The following CHLSN variants were observed in gnomAD, a reference collection of about 807,000 sequenced individuals.
CHLSN encodes cholesin.
the CHLSN span, among the ~76,000 whole-genome samples, chr7:1,136,105 AATATAT>A: frequency 1.3e-5 from 1 of 77,780 alleles, no homozygotes; most frequent in African/African-American, 5.4e-5. Context: ...TGTGTATATA[AATATAT>A]ATACATAAAT....
chr7:1,069,774 G>A, the CHLSN span, among the ~76,000 whole-genome samples: 10 of 58,992 alleles, frequency 1.7e-4, no homozygotes, highest in Non-Finnish European at 3.1e-4. Flanking sequence ...CCGCCACCCC[G>A]TCTGGGAAGT....
At chr7:1,037,226 C>T in the CHLSN span, among the ~76,000 whole-genome samples, 3 of 142,194 alleles carry the variant, frequency 2.1e-5, 1 homozygote, top group Non-Finnish European at 4.7e-5. Flanking sequence ...AGAAATGCCT[C>T]CTCCCTAAAG....
At chr7:1,076,057 C>G in the CHLSN span, 1 of 152,292 alleles carries the variant, frequency 6.6e-6, no homozygotes, top group Non-Finnish European at 1.5e-5. Context: ...GACCAGAGGG[C>G]GAGGTGATTC....
At chr7:1,031,327 C>G in the CHLSN span, among the ~76,000 whole-genome samples, 1 of 151,886 alleles carries the variant, frequency 6.6e-6, no homozygotes, top group East Asian at 1.9e-4. Context: ...AGGAAATCAG[C>G]GAAACAGCAC....
At chr7:1,071,371 C>A in the CHLSN span, among the ~76,000 whole-genome samples, 1 of 152,188 alleles carries the variant, frequency 6.6e-6, no homozygotes, top group African/African-American at 2.4e-5. Context: ...GCCCCGGGCT[C>A]TGTGGCACTA....
the CHLSN span, among the ~76,000 whole-genome samples, chr7:981,909 T>G: frequency 4.8e-3 from 727 of 152,088 alleles, 2 homozygotes; most frequent in Non-Finnish European, 8.4e-3. Context: ...GGTGCATGCC[T>G]GTAGTCCCAG....
chr7:988,879 C>T, the CHLSN span: 8 of 1,123,254 alleles, frequency 7.1e-6, no homozygotes, highest in Non-Finnish European at 1.3e-6. Flanking sequence ...CTGGGTCCTC[C>T]CACCCTCTCT....
the CHLSN span, among the ~76,000 whole-genome samples, chr7:1,120,036 CAG>C: frequency 6.6e-6 from 1 of 151,758 alleles, no homozygotes; most frequent in South Asian, 2.1e-4. Context: ...AAGAAAAAAA[CAG>C]AAGTCATAAA....
At chr7:994,788 A>G in the CHLSN span, among the ~76,000 whole-genome samples, 118 of 152,346 alleles carry the variant, frequency 7.7e-4, no homozygotes, top group African/African-American at 2.6e-3. Flanking sequence ...ACACACTTGC[A>G]TATCTACTGC....
the CHLSN span, chr7:1,137,769 T>C: frequency 2.0e-5 from 3 of 152,180 alleles, no homozygotes; most frequent in African/African-American, 4.8e-5. Context: ...GATCACGCCA[T>C]TGCACTCCAG....
the CHLSN span, among the ~76,000 whole-genome samples, chr7:1,085,417 C>A: frequency 6.6e-6 from 1 of 152,166 alleles, no homozygotes; most frequent in African/African-American, 2.4e-5. Context: ...CTGCTCCTGG[C>A]CAGCTGTGAG....
the CHLSN span, among the ~76,000 whole-genome samples, chr7:1,117,964 T>G: frequency 1.3e-5 from 2 of 152,124 alleles, no homozygotes; most frequent in East Asian, 3.8e-4. Flanking sequence ...CTGTGCTTAT[T>G]CAAAAACAGA....
chr7:1,132,327 C>A, the CHLSN span, among the ~76,000 whole-genome samples: 3 of 152,032 alleles, frequency 2.0e-5, no homozygotes, highest in African/African-American at 7.3e-5. Flanking sequence ...GCAGGAGGAT[C>A]ACTTGAGGCC....
chr7:1,019,493 C>T, the CHLSN span, among the ~76,000 whole-genome samples: 3 of 152,228 alleles, frequency 2.0e-5, no homozygotes, highest in African/African-American at 4.8e-5. Context: ...TCACAGCTCC[C>T]GGCAGAAATG....
chr7:1,071,063 G>A, the CHLSN span, among the ~76,000 whole-genome samples: 1 of 152,260 alleles, frequency 6.6e-6, no homozygotes, highest in Non-Finnish European at 1.5e-5. Context: ...TGCCACCGGA[G>A]CCAGCCTCAT....
chr7:1,016,789 A>ATGC, the CHLSN span, among the ~76,000 whole-genome samples: 12 of 76,584 alleles, frequency 1.6e-4, no homozygotes, highest in African/African-American at 7.6e-4. Flanking sequence ...CGCACAGCAC[A>ATGC]CAGCAGCACA....
the CHLSN span, among the ~76,000 whole-genome samples, chr7:1,064,968 T>C: frequency 2.0e-5 from 3 of 152,260 alleles, no homozygotes; most frequent in African/African-American, 7.2e-5. Flanking sequence ...CTAAGGCTTC[T>C]AAAGAGAAAA....
the CHLSN span, among the ~76,000 whole-genome samples, chr7:1,022,118 C>T: frequency 3.9e-5 from 6 of 152,228 alleles, no homozygotes; most frequent in East Asian, 9.6e-4. Flanking sequence ...GGAGTCTGCT[C>T]GCAGACCACC....
At chr7:1,070,825 A>ACACGTGCG in the CHLSN span, among the ~76,000 whole-genome samples, 90,986 of 147,210 alleles carry the variant, frequency 0.62, 29,249 homozygotes, top group African/African-American at 0.83. Context: ...CCACACGTGC[A>ACACGTGCG]CACATATACA....
Sources: allele counts gnomAD v4.1 joint callset (sites outside exome capture counted in the v4.1 genomes callset), GRCh38; gene constraint gnomAD v4.1.1; transcripts MANE v1.5; gene names NCBI Gene and HGNC (gene_info 2026-07-23, HGNC 2026-07-21).